Variants in MAGI2 observed in about 807,000 individuals in gnomAD.
MAGI2 encodes the protein membrane-associated guanylate kinase, WW and PDZ domain-containing protein 2.
A neutral mutation model predicts 133.3 loss-of-function variants in MAGI2; 35 were observed. The observed-to-expected ratio is 0.26, with a 90% CI of 0.20 to 0.35. The LOEUF (loss-of-function observed/expected upper bound fraction) is 0.35, where lower values mean the gene tolerates loss of function less well. Among genes scored for constraint, MAGI2 ranks in the 10% least tolerant of loss-of-function variants. The pLI, the probability that MAGI2 is intolerant of heterozygous loss-of-function variation, is 1.00. For synonymous variants in MAGI2, 729 were observed against 710.6 expected, an observed-to-expected ratio of 1.03 and a Z score of -0.41; for missense variants, 1,636 against 1,863.4, an observed-to-expected ratio of 0.88 and a Z score of 2.25.
At chr7:79,228,072 C>G (rs1278717292) in intron 1 of MAGI2, among the ~76,000 whole-genome samples, 1 of 151,910 alleles carries the variant, frequency 6.6e-6, no homozygotes, top group African/African-American at 2.4e-5. Flanking sequence ...AGGCTAGGTG[C>G]CTTGTCTTAC....
intron 4 of MAGI2, 69 bp downstream of exon 4, chr7:78,521,361 A>T: frequency 9.2e-7 from 1 of 1,085,502 alleles, no homozygotes; most frequent in South Asian, 1.3e-5. Flanking sequence ...TACTGTGTAT[A>T]TGTGTACATA....
At chr7:78,278,815 T>A (rs1795287337) in intron 9 of MAGI2, among the ~76,000 whole-genome samples, 1 of 152,172 alleles carries the variant, frequency 6.6e-6, no homozygotes, top group Admixed American at 6.6e-5. Context: ...CTTCAGATTT[T>A]AAATTTGCCA....
intron 1 of MAGI2, among the ~76,000 whole-genome samples, chr7:79,069,227 G>A (rs1204394095): frequency 1.3e-5 from 2 of 152,012 alleles, no homozygotes; most frequent in Non-Finnish European, 1.5e-5. Context: ...GTATTGTGTG[G>A]GAGTCTAAGC....
chr7:78,063,989 T>C lies in MAGI2; in HGVS notation c.3706+14958A>G, dbSNP rs1040162576. Among the ~76,000 whole-genome samples the C allele has an allele frequency of 2.0e-5, 3 of 152,290 alleles. No homozygotes were observed. The East Asian group carries it at 5.8e-4, about 29-fold the overall frequency. On this transcript the variant is annotated intron_variant, in intron 21 of 21. Transcript: ENST00000354212. ...AAACCACAAAGAGCCCTCTCTCTCT[T>C]TTTTTAAAGTTAATGACTCTAGTGA...
chr7:78,682,997 T>A (rs112318523), intron 2 of MAGI2, among the ~76,000 whole-genome samples: 1 of 152,212 alleles, frequency 6.6e-6, no homozygotes, highest in African/African-American at 2.4e-5. Flanking sequence ...AGTAGATTAT[T>A]GCTAAATTTT....
chr7:78,527,921 T>C (rs1797118316), intron 3 of MAGI2, among the ~76,000 whole-genome samples: 1 of 152,198 alleles, frequency 6.6e-6, no homozygotes, highest in Non-Finnish European at 1.5e-5. Flanking sequence ...AGGTAATAAA[T>C]ATACTTGTCT....
chr7:79,170,428 C>T (rs1237543719), intron 1 of MAGI2, among the ~76,000 whole-genome samples: 1 of 151,820 alleles, frequency 6.6e-6, no homozygotes, highest in Non-Finnish European at 1.5e-5. Flanking sequence ...CTCCTGCCTC[C>T]ACCTCCCAAA....
At chr7:79,392,610 T>C (rs1844742188) in intron 1 of MAGI2, among the ~76,000 whole-genome samples, 1 of 152,224 alleles carries the variant, frequency 6.6e-6, no homozygotes, top group African/African-American at 2.4e-5. Flanking sequence ...TAATGATCAG[T>C]GATGATTAGC....
chr7:79,245,983 T>C (rs1329178833), intron 1 of MAGI2, among the ~76,000 whole-genome samples: 4 of 152,162 alleles, frequency 2.6e-5, no homozygotes, highest in Non-Finnish European at 5.9e-5. Flanking sequence ...AGCGTCTGCA[T>C]GGTAATCCAG....
chr7:79,128,226 T>C (rs1400519633), intron 1 of MAGI2, among the ~76,000 whole-genome samples: 5 of 152,242 alleles, frequency 3.3e-5, no homozygotes, highest in African/African-American at 1.2e-4. Context: ...TCACATATTA[T>C]ATGGTTTTCA....
chr7:78,334,417 C>T (rs1440124422), intron 9 of MAGI2, among the ~76,000 whole-genome samples: 3 of 152,298 alleles, frequency 2.0e-5, no homozygotes, highest in Non-Finnish European at 4.4e-5. Flanking sequence ...AGTGCTAAAA[C>T]CCCCAAAGTG....
At chr7:79,124,894 C>G (rs1820264047) in intron 1 of MAGI2, 2 of 269,810 alleles carry the variant, frequency 7.4e-6, no homozygotes, top group South Asian at 4.3e-5. Context: ...CCAAACCCTC[C>G]AGGGGCTTTG....
At chr7:78,927,296 A>G (rs779283514) in intron 2 of MAGI2, among the ~76,000 whole-genome samples, 36 of 152,116 alleles carry the variant, frequency 2.4e-4, no homozygotes, top group South Asian at 1.2e-3. Context: ...TGATTTAGTA[A>G]AATCAAAATA....
rs912355168 is a variant in MAGI2, at chr7:78,038,630, G to A, written c.3707-18654C>T. Among the ~76,000 whole-genome samples the A allele has an allele frequency of 7.2e-5, 11 of 152,220 alleles. No homozygotes were observed. In the South Asian group the frequency reaches 1.5e-3, roughly 20 times the overall value. ...ATCTGCATTTTAACAGGCTCCCCAG[G>A]GATTCACATGCGGGTTGAAGTTCAA... On this transcript the variant is annotated intron_variant, in intron 21 of 21. Coordinates refer to ENST00000354212, the MANE Select transcript of MAGI2 (RefSeq NM_012301.4).
At chr7:78,041,554 A>T (rs1810849251) in intron 21 of MAGI2, among the ~76,000 whole-genome samples, 1 of 151,996 alleles carries the variant, frequency 6.6e-6, no homozygotes, top group Non-Finnish European at 1.5e-5. Flanking sequence ...GCGTGCTTGT[A>T]CTCCTAGCTA....
intron 20 of MAGI2, among the ~76,000 whole-genome samples, chr7:78,094,903 G>C (rs62461185): frequency 0.12 from 18,720 of 152,166 alleles, 1,387 homozygotes; most frequent in Middle Eastern, 0.19. Flanking sequence ...TACTTAAGTG[G>C]AGAAAGGGCC....
intron 6 of MAGI2, among the ~76,000 whole-genome samples, chr7:78,371,029 A>G (rs1228778238): frequency 6.6e-6 from 1 of 151,914 alleles, no homozygotes; most frequent in Non-Finnish European, 1.5e-5. Context: ...TTATGCCAGC[A>G]ACTCAGGACT....
chr7:78,124,610 C>T (rs1375669543), intron 20 of MAGI2, among the ~76,000 whole-genome samples: 1 of 152,086 alleles, frequency 6.6e-6, no homozygotes, highest in Admixed American at 6.6e-5. Flanking sequence ...CCCAAAGCCA[C>T]AGCTTTTCTT....
intron 6 of MAGI2, among the ~76,000 whole-genome samples, chr7:78,404,170 G>T (rs1001829371): frequency 6.6e-6 from 1 of 152,064 alleles, no homozygotes; most frequent in Non-Finnish European, 1.5e-5. Context: ...AATAAAAGAG[G>T]ACACAAACAA....
Sources: gnomAD v4.1 joint callset for allele counts (sites outside exome capture counted in the v4.1 genomes callset) on GRCh38, gnomAD v4.1.1 for gene constraint, MANE v1.5 for transcripts, NCBI Gene and HGNC (gene_info 2026-07-23, HGNC 2026-07-21) for gene names.